Variants in PCNT observed in about 807,000 individuals in gnomAD.
PCNT encodes the protein pericentrin, also known as kendrin.
A neutral mutation model predicts 380.4 loss-of-function variants in PCNT; 319 were observed. That is an observed-to-expected ratio of 0.84 (90% CI 0.77 to 0.92). PCNT has a LOEUF of 0.92. Among genes scored for constraint, PCNT ranks in the 40% least tolerant of loss-of-function variants. The pLI, the probability that PCNT is intolerant of heterozygous loss-of-function variation, is 0.00. For synonymous variants in PCNT, 1,845 were observed against 1,735.2 expected (o/e 1.06, Z -1.57); for missense variants, 4,400 against 4,255.3 (o/e 1.03, Z -0.95).
intron 27 of PCNT, among the ~76,000 whole-genome samples, chr21:46,403,571 C>G (rs1363647079): frequency 8.5e-6 from 1 of 117,160 alleles, no homozygotes; most frequent in Admixed American, 9.4e-5. Flanking sequence ...TGTGTGGTGC[C>G]CACGTGGCAC....
rs2053512601 is a variant in PCNT at position 46,438,154 on chromosome 21, T to G, written c.9100-10T>G. The G allele has an allele frequency of 6.2e-7, 1 of 1,611,284 alleles. No homozygotes were observed. Among genetic ancestry groups the G allele is most frequent in the African/African-American group, 1.3e-5 (1 of 75,010 alleles). ...ACAAATTCTTACAAATTTATTTTCT[T>G]TTCTCCAAGAAAAAAATGGCAGCAG... On this transcript the variant is annotated splice_polypyrimidine_tract_variant and intron_variant, in intron 40 of 46. Transcript: ENST00000359568.
intron 15 of PCNT, among the ~76,000 whole-genome samples, chr21:46,371,238 A>G (rs1423773069): frequency 6.9e-6 from 1 of 144,380 alleles, no homozygotes; most frequent in Non-Finnish European, 1.5e-5. Flanking sequence ...TTTTTTAAAG[A>G]CGGAGTCTCA....
At chr21:46,386,292 C>G (rs1036948809) in intron 17 of PCNT, among the ~76,000 whole-genome samples, 2 of 152,238 alleles carry the variant, frequency 1.3e-5, no homozygotes, top group Non-Finnish European at 2.9e-5. Flanking sequence ...CGACCCCTCC[C>G]CTTTAGTGTC....
At chr21:46,422,170 C>T (rs1391100347) in intron 32 of PCNT, 46 bp downstream of exon 32, 9 of 1,606,712 alleles carry the variant, frequency 5.6e-6, no homozygotes, top group Admixed American at 5.0e-5. Flanking sequence ...TGTGCAGCCT[C>T]GGGGCATCCC....
At chr21:46,381,196 CTGTGTGTGTGTGTGTGTGTGTGTGTGTG>C (rs10523538) in intron 15 of PCNT, among the ~76,000 whole-genome samples, 5 of 122,250 alleles carry the variant, frequency 4.1e-5, no homozygotes, top group South Asian at 2.8e-4. Context: ...AAAAAAATCT[CTGTGTGTGTGTGTGTGTGTGTGTGTGTG>C]TGTGTGTGTG....
chr21:46,372,206 C>A lies in PCNT; in HGVS notation c.3165+5067C>A, dbSNP rs556063860. ...GCACACACAGCACACACACAGAGAG[C>A]ACATGCACACAGCACATGTGCACAC... On this transcript the variant is annotated intron_variant, in intron 15 of 46. Coordinates refer to ENST00000359568, the MANE Select transcript of PCNT (RefSeq NM_006031.6). Among the ~76,000 whole-genome samples the A allele has an allele frequency of 7.3e-4, 110 of 150,332 alleles. 2 individuals carry two copies. Among genetic ancestry groups the A allele is most frequent in the African/African-American group, 2.5e-3 (102 of 40,880 alleles).
intron 2 of PCNT, 71 bp downstream of exon 2, chr21:46,326,660 G>A (rs1189867616): frequency 6.7e-7 from 1 of 1,489,382 alleles, no homozygotes; most frequent in Non-Finnish European, 9.4e-7. Context: ...ATTTACTAAA[G>A]ATGGTCTTTG....
chr21:46,334,548 C>T lies in PCNT; in HGVS notation c.419C>T (p.Pro140Leu), dbSNP rs200502466. ...HGMFTVGDHP[P>L]EQRGMFTVSD... ...ATGTTCACAGTCGGTGACCACCCAC[C>T]AGAACAGCGTGGGATGTTCACAGTC... is the stretch of plus-strand genomic sequence containing the variant. The change falls in exon 3 of 47, where the codon CCA becomes CTA. Residue 140 changes from proline (P) to leucine (L), a missense_variant. Transcript: ENST00000359568. 2.3e-5 allele frequency: 36 copies of T among 1,599,660 alleles called. No individual in the cohort carries two copies. In the African/African-American group the frequency reaches 4.2e-4, roughly 19 times the overall value.
In PCNT at chr21:46,355,722, G is replaced by A. The variant is rs771702631; in HGVS notation, c.1936+96G>A. ...TGCCTGGGTTCGATCCAAGTCCTCC[G>A]TGAAGCAGCTGAGTGCTCCGACCTC... On this transcript the variant is annotated intron_variant, in intron 12 of 46. Transcript: ENST00000359568. 107 of 1,240,808 alleles carry A rather than the reference G, an allele frequency of 8.6e-5. 2 individuals carry two copies. Among genetic ancestry groups the A allele is most frequent in the Non-Finnish European group, 1.0e-4 (88 of 865,138 alleles). The allele number at this position is 1,240,808 out of a possible 1,614,324, so 76.9% of individuals were successfully genotyped here. A position where few individuals can be genotyped will look rare whatever the true frequency, so the allele number is the denominator to read the frequency against.
Position 46,363,881 on chromosome 21 carries a change from T to C in PCNT, c.2556T>C (p.Ala852=), listed in dbSNP as rs8131546. 1,403,007 of 1,612,428 alleles carry C rather than the reference T, an allele frequency of 0.87. 611,490 individuals carry two copies. The highest frequency in any genetic ancestry group is 0.93 in the African/African-American group (69,521 of 75,036). Residue 852 remains alanine, a synonymous_variant, in exon 14 of 47, where the codon GCT becomes GCC. Transcript: ENST00000359568. ...EPPTAQDGEL[A]ALHVKEDCAL... is the part of the protein sequence containing the mutation. ...CCACAGCCCAGGACGGGGAGCTTGCTGCGCTCCACGTGAAGGAAGACTGCG... is the reference window on the plus strand; with the variant it reads ...CCACAGCCCAGGACGGGGAGCTTGCCGCGCTCCACGTGAAGGAAGACTGCG...
At chr21:46,343,779 A>G (rs1170594207) in intron 3 of PCNT, among the ~76,000 whole-genome samples, 2 of 152,182 alleles carry the variant, frequency 1.3e-5, no homozygotes, top group African/African-American at 4.8e-5. Context: ...TTTTTAAATT[A>G]CTGTTTCAGT....
At chr21:46,347,381 G>T in intron 5 of PCNT, 76 bp from the exon 6 acceptor site, 1 of 1,451,244 alleles carries the variant, frequency 6.9e-7, no homozygotes, top group South Asian at 1.1e-5. Context: ...GCCAGAGCCT[G>T]GTCGTTTCCT....
rs572974640 is a variant in PCNT at position 46,425,469 on chromosome 21, C to A, written c.7180-362C>A. Among the ~76,000 whole-genome samples, 1 of 152,340 alleles carries A rather than the reference C, an allele frequency of 6.6e-6. No individual in the cohort carries two copies. Among genetic ancestry groups the A allele is most frequent in the African/African-American group, 2.4e-5 (1 of 41,572 alleles). On this transcript the variant is annotated intron_variant, in intron 32 of 46. Transcript: ENST00000359568. This position sits in a 1 kb window ranked among gnomAD's most constrained non-coding sequence, Gnocchi z 4.2. ...AGTGTGTGATATGTTTGTGATCTCG[C>A]TGTGGACATTGGCCTAAAGCCCTGC...
rs755956494 is a variant in PCNT at position 46,416,686 on chromosome 21, C to T, written c.6768C>T (p.Ala2256=). 45 of 1,564,792 alleles carry T rather than the reference C, an allele frequency of 2.9e-5. No homozygotes were observed. The highest frequency in any genetic ancestry group is 1.7e-4 in the Middle Eastern group (1 of 5,734). ...CAGGAGCCCTGAGCCTGTGCAGTGCCGACACATCCCTGGGGGACAGGGCGG... is the reference window on the plus strand; with the variant it reads ...CAGGAGCCCTGAGCCTGTGCAGTGCTGACACATCCCTGGGGGACAGGGCGG... ...PHSGALSLCS[A]DTSLGDRADT... Residue 2256 remains alanine (A), a synonymous_variant, in exon 30 of 47, where the codon GCC becomes GCT. Coordinates refer to ENST00000359568, the MANE Select transcript of PCNT (RefSeq NM_006031.6).
intron 16 of PCNT, 142 bp from the exon 17 acceptor site, chr21:46,385,690 C>T (rs2085805074): frequency 1.1e-6 from 1 of 886,752 alleles, no homozygotes; most frequent in South Asian, 1.4e-5. Context: ...TGCCGAAGTG[C>T]CTGCTCCTTT....
intron 32 of PCNT, 22 bp downstream of exon 32, chr21:46,422,146 C>G (rs750408535): frequency 4.3e-5 from 70 of 1,612,342 alleles, no homozygotes; most frequent in South Asian, 3.8e-4. Context: ...AGGGGCGGCC[C>G]TCACAGCTTC....
chr21:46,415,039 A>C (rs1357159121), intron 29 of PCNT, among the ~76,000 whole-genome samples: 3 of 152,226 alleles, frequency 2.0e-5, no homozygotes, highest in African/African-American at 4.8e-5. Flanking sequence ...TTGGTGCTGA[A>C]GCCTGCTGAG....
chr21:46,332,539 T>G (rs1013559131), intron 2 of PCNT, among the ~76,000 whole-genome samples: 4 of 152,262 alleles, frequency 2.6e-5, no homozygotes, highest in Admixed American at 2.6e-4. Flanking sequence ...CTTTGAAGTG[T>G]GATCATTCAT....
chr21:46,402,602 C>A (rs2086465823), intron 27 of PCNT, 119 bp downstream of exon 27: 1 of 1,062,528 alleles, frequency 9.4e-7, no homozygotes, highest in Non-Finnish European at 1.4e-6. Flanking sequence ...CCCGTGGCCC[C>A]CATGTGGCAG....
Sources: gnomAD v4.1 joint callset for allele counts (sites outside exome capture counted in the v4.1 genomes callset) on GRCh38, gnomAD v4.1.1 for gene constraint, Gnocchi (gnomAD v3.1) non-coding constraint, MANE v1.5 for transcripts, NCBI Gene and HGNC (gene_info 2026-07-23, HGNC 2026-07-21) for gene names.